Variants in MID1 observed in about 807,000 individuals in gnomAD.
MID1 encodes the protein E3 ubiquitin-protein ligase Midline-1.
MID1 carries 7 observed loss-of-function variants against 40.4 expected under a neutral mutation model. The observed-to-expected ratio is 0.17, with a 90% CI of 0.10 to 0.33. MID1 has a LOEUF of 0.33. Among genes scored for constraint, MID1 ranks in the 10% least tolerant of loss-of-function variants. The pLI is 1.00. For missense variants in MID1, 367 were observed against 558.5 expected (o/e 0.66, Z 3.46); for synonymous variants, 229 against 221.2 (o/e 1.04, Z -0.31).
intron 2 of MID1, among the ~76,000 whole-genome samples, chrX:10,557,067 T>A (rs989823003): frequency 6.3e-5 from 7 of 111,884 alleles, no homozygotes; most frequent in African/African-American, 2.0e-4. Context: ...GACATCACTG[T>A]CCTAACTCTG....
chrX:10,568,725 G>A (rs1446155817), intron 1 of MID1, among the ~76,000 whole-genome samples: 1 of 111,213 alleles, frequency 9.0e-6, no homozygotes, highest in Non-Finnish European at 1.9e-5. Context: ...AGACCTGAGT[G>A]CTTTTGTGAA....
intron 1 of MID1, among the ~76,000 whole-genome samples, chrX:10,590,604 A>G: frequency 8.9e-6 from 1 of 112,128 alleles, no homozygotes; most frequent in African/African-American, 3.2e-5. Flanking sequence ...TGCCCAAAAT[A>G]TATGTAAAAA....
chrX:10,536,875 G>T (rs960919158), intron 2 of MID1, among the ~76,000 whole-genome samples: 2 of 111,909 alleles, frequency 1.8e-5, no homozygotes, highest in Non-Finnish European at 3.8e-5. Context: ...TTTGTAATCA[G>T]GTCCCATTCT....
At chrX:10,752,799 C>A (rs181269592) in intron 1 of MID1, among the ~76,000 whole-genome samples, 1 of 112,126 alleles carries the variant, frequency 8.9e-6, no homozygotes, top group Non-Finnish European at 1.9e-5. Context: ...TAAAAAAATT[C>A]TTGAAATGAC....
intron 4 of MID1, among the ~76,000 whole-genome samples, chrX:10,486,810 G>A (rs899490190): frequency 4.5e-5 from 5 of 112,037 alleles, no homozygotes; most frequent in African/African-American, 1.6e-4. Context: ...CTAAATCTCA[G>A]TATTTTCATC....
At chrX:10,561,810 G>A (rs1462863284) in intron 2 of MID1, among the ~76,000 whole-genome samples, 1 of 106,979 alleles carries the variant, frequency 9.3e-6, no homozygotes, top group Non-Finnish European at 1.9e-5. Context: ...AAGACAGTGT[G>A]GCAATTCCTC....
chrX:10,483,080 G>GT (rs1442019635), intron 4 of MID1, among the ~76,000 whole-genome samples: 1 of 111,959 alleles, frequency 8.9e-6, no homozygotes, highest in Non-Finnish European at 1.9e-5. Context: ...TCTAAAAAGT[G>GT]TTTTTTGTAA....
chrX:10,495,674 T>C lies in MID1; in HGVS notation c.774A>G (p.Gln258=). The stretch of plus-strand genomic sequence containing the variant: ...CACACTCCTCTGTCAATTTGGCTTC[T>C]TGACGTGATGCATTGACCTACAGGA... ...CQHVEVNASR[Q]EAKLTEECDL... The change falls in exon 4 of 10, where the codon CAA becomes CAG. Residue 258 remains glutamine (Q), a synonymous_variant. Coordinates refer to ENST00000317552, the MANE Select transcript of MID1 (RefSeq NM_000381.4). 8.3e-6 allele frequency: 10 copies of C among 1,202,139 alleles called. No homozygotes were observed. Among genetic ancestry groups the C allele is most frequent in the Non-Finnish European group, 1.1e-5 (10 of 886,591 alleles).
At chrX:10,560,339 C>T (rs1320859013) in intron 2 of MID1, among the ~76,000 whole-genome samples, 1 of 111,521 alleles carries the variant, frequency 9.0e-6, no homozygotes, top group Non-Finnish European at 1.9e-5. Context: ...TCTCACCACT[C>T]CTATTCAACA....
intron 9 of MID1, among the ~76,000 whole-genome samples, chrX:10,451,810 T>C (rs189606931): frequency 8.9e-6 from 1 of 111,880 alleles, no homozygotes; most frequent in Non-Finnish European, 1.9e-5. Flanking sequence ...GATTGTGGGC[T>C]TTCCCAGCCA....
chrX:10,569,008 C>T (rs780218698), intron 1 of MID1, among the ~76,000 whole-genome samples: 1 of 111,429 alleles, frequency 9.0e-6, no homozygotes, highest in Non-Finnish European at 1.9e-5. Context: ...CGTTCTCAGC[C>T]GGATTTATGG....
At position 10,566,497 on chromosome X, in the gene MID1, T is replaced by TTCTCTCTCTCTCTCTC. The variant is rs1281393445; in HGVS notation, c.660+390_660+391insGAGAGAGAGAGAGAGA. ...GCCCAAAGCCAGATTTTATCTGTCA[T>TTCTCTCTCTCTCTCTC]TCTCTCTCTCTCTCCCTCTCTCTCC... On this transcript the variant is annotated intron_variant, in intron 2 of 9. Transcript: ENST00000317552. Among the ~76,000 whole-genome samples the TTCTCTCTCTCTCTCTC allele has an allele frequency of 9.7e-5, 7 of 72,084 alleles. No homozygotes were observed. In the South Asian group the frequency reaches 4.0e-3, roughly 42 times the overall value. The allele number at this position is 72,084 out of a possible 115,157, so 62.6% of individuals were successfully genotyped here.
chrX:10,606,020 G>A (rs747879232), intron 1 of MID1, among the ~76,000 whole-genome samples: 1 of 111,770 alleles, frequency 8.9e-6, no homozygotes, highest in South Asian at 3.7e-4. Flanking sequence ...CAGAGCCATA[G>A]ATAACAGTGA....
At chrX:10,707,263 T>C (rs1387578316) in intron 1 of MID1, among the ~76,000 whole-genome samples, 5 of 111,990 alleles carry the variant, frequency 4.5e-5, no homozygotes, top group Non-Finnish European at 3.8e-5. Flanking sequence ...CTGCCTTCCT[T>C]TAGGTACTTG....
At chrX:10,734,266 T>A (rs1448755407) in intron 1 of MID1, among the ~76,000 whole-genome samples, 1 of 111,974 alleles carries the variant, frequency 8.9e-6, no homozygotes, top group African/African-American at 3.2e-5. Flanking sequence ...AGGCTATTAT[T>A]CTTAGCAAAC....
intron 1 of MID1, among the ~76,000 whole-genome samples, chrX:10,669,672 C>G (rs2042975973): frequency 8.9e-6 from 1 of 112,019 alleles, no homozygotes; most frequent in African/African-American, 3.2e-5. Flanking sequence ...GAATGGAAAT[C>G]TTTCAGGGAT....
At chrX:10,635,116 C>G (rs1166059890) in intron 1 of MID1, among the ~76,000 whole-genome samples, 1 of 112,241 alleles carries the variant, frequency 8.9e-6, no homozygotes, top group Non-Finnish European at 1.9e-5. Flanking sequence ...TTCTGGTACT[C>G]TCCTTAGTAG....
chrX:10,513,028 G>A (rs1932234168), intron 3 of MID1, among the ~76,000 whole-genome samples: 1 of 111,580 alleles, frequency 9.0e-6, no homozygotes, highest in Non-Finnish European at 1.9e-5. Context: ...TCTTGTTAAC[G>A]GACATTTTAT....
intron 1 of MID1, among the ~76,000 whole-genome samples, chrX:10,591,863 C>T (rs1478444327): frequency 1.8e-5 from 2 of 111,141 alleles, no homozygotes; most frequent in East Asian, 5.6e-4. Flanking sequence ...TCCCCCGGGT[C>T]TACCCTGTAT....
Sources: allele counts gnomAD v4.1 joint callset (sites outside exome capture counted in the v4.1 genomes callset), GRCh38; gene constraint gnomAD v4.1.1; transcripts MANE v1.5; gene names NCBI Gene and HGNC (gene_info 2026-07-23, HGNC 2026-07-21).